Variants in FSD2 observed in about 807,000 individuals in gnomAD.
FSD2 encodes fibronectin type III and SPRY domain containing 2, also known as fibronectin type III and SPRY domain-containing protein 2.
FSD2 carries 71 observed loss-of-function variants against 80.4 expected under a neutral mutation model. That is an observed-to-expected ratio of 0.88 (90% confidence interval 0.73 to 1.08). The LOEUF (loss-of-function observed/expected upper bound fraction) is 1.08. Ranked by LOEUF, FSD2 falls within the 50% of genes least tolerant of loss-of-function variation. FSD2 has a pLI of 0.00. For synonymous variants in FSD2, 361 were observed against 329.5 expected (o/e 1.10, Z -1.03); for missense variants, 923 against 913.8 (o/e 1.01, Z -0.13).
intron 6 of FSD2, among the ~76,000 whole-genome samples, chr15:82,777,752 C>T (rs900494958): frequency 6.6e-6 from 1 of 150,732 alleles, no homozygotes; most frequent in Non-Finnish European, 1.5e-5. Context: ...GAGGCTGAGA[C>T]TGGAGAATCA....
At chr15:82,778,148 A>ATATATATATATATAT (rs1339356194) in intron 6 of FSD2, among the ~76,000 whole-genome samples, 2 of 138,302 alleles carry the variant, frequency 1.4e-5, no homozygotes, top group Non-Finnish European at 1.5e-5. Flanking sequence ...ATATATATAT[A>ATATATATATATATAT]TATATATATA....
intron 6 of FSD2, among the ~76,000 whole-genome samples, chr15:82,776,558 T>C (rs972486367): frequency 1.1e-4 from 17 of 152,174 alleles, no homozygotes; most frequent in African/African-American, 3.6e-4. Flanking sequence ...TACTGAAAAC[T>C]ATAAAACACT....
chr15:82,790,697 T>TC (rs2050124932), intron 1 of FSD2, among the ~76,000 whole-genome samples: 1 of 150,512 alleles, frequency 6.6e-6, no homozygotes, highest in African/African-American at 2.4e-5. Context: ...TGCTTCAGCC[T>TC]CCCTAGTAGC....
chr15:82,794,094 C>A (rs997179468), intron 1 of FSD2, among the ~76,000 whole-genome samples: 2 of 151,592 alleles, frequency 1.3e-5, no homozygotes, highest in African/African-American at 4.9e-5. Context: ...TGAGATCTTT[C>A]TTCTTGTTAA....
intron 7 of FSD2, among the ~76,000 whole-genome samples, chr15:82,770,878 G>A (rs1237814136): frequency 6.6e-6 from 1 of 152,078 alleles, no homozygotes; most frequent in African/African-American, 2.4e-5. Flanking sequence ...GATCTTTATA[G>A]ATTGCCATGA....
chr15:82,756,804 C>A lies in FSD2; in HGVS notation c.*2544G>T, dbSNP rs961908587. The stretch of plus-strand genomic sequence containing the variant: ...GATACAGGTAAAGCTAAGAAAAGAA[C>A]AGATTTTGATAACTTTTGTTTTAAC... On this transcript the variant is annotated 3_prime_UTR_variant, in exon 13 of 13. Coordinates refer to ENST00000334574, the MANE Select transcript of FSD2 (RefSeq NM_001007122.4). 1 of 152,176 alleles carries A rather than the reference C, an allele frequency of 6.6e-6. No individual in the cohort carries two copies. Among genetic ancestry groups the A allele is most frequent in the Non-Finnish European group, 1.5e-5 (1 of 68,014 alleles). 9.4% of individuals were successfully genotyped at this position (152,176 alleles called of 1,614,324 possible).
chr15:82,755,749 A>G lies in FSD2; in HGVS notation c.*3599T>C, dbSNP rs1369218343. On this transcript the variant is annotated 3_prime_UTR_variant, in exon 13 of 13. Coordinates refer to ENST00000334574, the MANE Select transcript of FSD2 (RefSeq NM_001007122.4). ...TTCCAGGAGACTTCCTGATGACAGA[A>G]AAGATGCTGACCAGCTGGGGTCTTC... 8.9e-6 allele frequency: 2 copies of G among 224,322 alleles called. No homozygotes were observed. The highest frequency in any genetic ancestry group is 1.9e-5 in the Non-Finnish European group (2 of 107,658). 13.9% of individuals were successfully genotyped at this position (224,322 alleles called of 1,614,324 possible).
intron 11 of FSD2, 49 bp downstream of exon 11, chr15:82,765,117 C>T (rs1479796010): frequency 1.3e-6 from 2 of 1,542,528 alleles, no homozygotes; most frequent in African/African-American, 1.4e-5. Context: ...AATAACAGTG[C>T]ACCTTCGGGA....
Position 82,787,751 on chromosome 15 carries a change from G to C in FSD2, c.-78-283C>G, listed in dbSNP as rs182885990. Among the ~76,000 whole-genome samples the C allele has an allele frequency of 9.9e-5, 15 of 151,786 alleles. No homozygotes were observed. The East Asian group carries it at 2.3e-3, about 24-fold the overall frequency. On this transcript the variant is annotated intron_variant, in intron 1 of 12. Transcript: ENST00000334574. ...AAAAACTTAAAAGGCAAAATAATGGGAAGCATCTCAGGCAATTATTATTAT... is the reference window on the plus strand; with the variant it reads ...AAAAACTTAAAAGGCAAAATAATGGCAAGCATCTCAGGCAATTATTATTAT...
intron 11 of FSD2, among the ~76,000 whole-genome samples, chr15:82,762,734 G>A (rs2049321198): frequency 6.6e-6 from 1 of 152,130 alleles, no homozygotes; most frequent in Non-Finnish European, 1.5e-5. Context: ...GGAATTCAGA[G>A]GCCAGCCCAA....
At chr15:82,786,209 A>G (rs930300932) in intron 3 of FSD2, among the ~76,000 whole-genome samples, 1 of 152,244 alleles carries the variant, frequency 6.6e-6, no homozygotes, top group Non-Finnish European at 1.5e-5. Context: ...TGCAACAAAC[A>G]TGTATAAAAT....
chr15:82,761,672 T>A (rs2049298781), intron 12 of FSD2, among the ~76,000 whole-genome samples: 1 of 150,902 alleles, frequency 6.6e-6, no homozygotes, highest in Non-Finnish European at 1.5e-5. Flanking sequence ...TTATTTTATT[T>A]TTTTATTTTA....
Position 82,756,229 on chromosome 15 carries a change from G to C in FSD2, c.*3119C>G, listed in dbSNP as rs774353423. 1 of 265,102 alleles carries C rather than the reference G, an allele frequency of 3.8e-6. No individual in the cohort carries two copies. The highest frequency in any genetic ancestry group is 2.2e-5 in the African/African-American group (1 of 45,108). 16.4% of individuals were successfully genotyped at this position (265,102 alleles called of 1,614,324 possible). A position where few individuals can be genotyped will look rare whatever the true frequency, so the allele number is the denominator to read the frequency against. On this transcript the variant is annotated 3_prime_UTR_variant, in exon 13 of 13. Transcript: ENST00000334574. ...CGAAGTTTTCTTGGTAAGTTGAGGA[G>C]AGGACTTTTCTTATAGTGCAGTCTG...
At chr15:82,802,032 A>G (rs776644716) in intron 1 of FSD2, among the ~76,000 whole-genome samples, 7 of 152,178 alleles carry the variant, frequency 4.6e-5, no homozygotes, top group Non-Finnish European at 1.0e-4. Flanking sequence ...TGATTTATGA[A>G]GACTCCAGAA....
At chr15:82,760,328 G>A (rs906517353) in intron 12 of FSD2, among the ~76,000 whole-genome samples, 2 of 152,156 alleles carry the variant, frequency 1.3e-5, no homozygotes, top group Admixed American at 6.6e-5. Flanking sequence ...CATATTGAGT[G>A]GGGAGCCAGT....
At chr15:82,797,435 C>A (rs2050302868) in intron 1 of FSD2, among the ~76,000 whole-genome samples, 1 of 152,212 alleles carries the variant, frequency 6.6e-6, no homozygotes, top group African/African-American at 2.4e-5. Context: ...ATGTAATTTT[C>A]ATCAATGGAT....
At chr15:82,764,439 G>A (rs752134044) in intron 11 of FSD2, among the ~76,000 whole-genome samples, 1 of 148,916 alleles carries the variant, frequency 6.7e-6, no homozygotes, top group Non-Finnish European at 1.5e-5. Flanking sequence ...ACCCTGTGGA[G>A]TGTGCTTTCG....
intron 1 of FSD2, among the ~76,000 whole-genome samples, chr15:82,805,124 G>A (rs1010599711): frequency 2.1e-5 from 3 of 146,058 alleles, no homozygotes; most frequent in African/African-American, 7.5e-5. Flanking sequence ...GCATTACTTA[G>A]AAAAGTCCCC....
At chr15:82,772,928 G>T (rs1019953895) in intron 6 of FSD2, among the ~76,000 whole-genome samples, 1 of 152,130 alleles carries the variant, frequency 6.6e-6, no homozygotes, top group Non-Finnish European at 1.5e-5. Context: ...GCTCACTGCA[G>T]CCTCCACATC....
Sources: allele counts gnomAD v4.1 joint callset (sites outside exome capture counted in the v4.1 genomes callset), GRCh38; gene constraint gnomAD v4.1.1; transcripts MANE v1.5; gene names NCBI Gene and HGNC (gene_info 2026-07-23, HGNC 2026-07-21).